The following PLCL1 variants were observed in gnomAD, a reference collection of about 807,000 sequenced individuals.
The protein encoded by PLCL1 is phospholipase C like 1 (inactive).
In PLCL1, 41 loss-of-function variants were observed where a neutral mutation model predicts 84.4. The ratio of observed to expected loss-of-function variants is 0.49; its 90% CI spans 0.38 to 0.63. The LOEUF is 0.63. Ranked by LOEUF, PLCL1 falls within the 30% of genes least tolerant of loss-of-function variation. The pLI, the probability that PLCL1 is intolerant of heterozygous loss-of-function variation, is 0.00. For missense variants in PLCL1, 1,206 were observed against 1,367.8 expected (o/e 0.88, Z 1.87); for synonymous variants, 490 against 488.3 (o/e 1.00, Z -0.05).
intron 1 of PLCL1, among the ~76,000 whole-genome samples, chr2:198,041,645 T>C (rs1691666686): frequency 6.6e-6 from 1 of 152,200 alleles, no homozygotes; most frequent in African/African-American, 2.4e-5. Context: ...GTAGTACTCA[T>C]GATAGGAATC....
intron 1 of PLCL1, among the ~76,000 whole-genome samples, chr2:197,933,755 A>G: frequency 6.6e-6 from 1 of 152,068 alleles, no homozygotes; most frequent in East Asian, 1.9e-4. Context: ...TACAGTACAG[A>G]GCTCTTTCTT....
intron 1 of PLCL1, among the ~76,000 whole-genome samples, chr2:198,076,039 C>T (rs896415234): frequency 1.5e-4 from 23 of 152,200 alleles, no homozygotes; most frequent in African/African-American, 5.5e-4. Context: ...GAGATAATCA[C>T]TTTTATTTAG....
At chr2:197,973,052 A>G (rs1689902902) in intron 1 of PLCL1, among the ~76,000 whole-genome samples, 1 of 152,188 alleles carries the variant, frequency 6.6e-6, no homozygotes, top group Non-Finnish European at 1.5e-5. Context: ...CCTTGTCCTC[A>G]AGTCTTCTTG....
intron 1 of PLCL1, among the ~76,000 whole-genome samples, chr2:197,925,084 G>A (rs1688808171): frequency 6.6e-6 from 1 of 152,082 alleles, no homozygotes; most frequent in African/African-American, 2.4e-5. Flanking sequence ...GGGCTTTTGT[G>A]GACACTGTTG....
At chr2:197,961,264 AGAG>A (rs1689616645) in intron 1 of PLCL1, among the ~76,000 whole-genome samples, 1 of 139,632 alleles carries the variant, frequency 7.2e-6, no homozygotes, top group African/African-American at 2.7e-5. Flanking sequence ...AGAGAGAGAG[AGAG>A]CGAGCATGCA....
chr2:198,126,574 G>A (rs1031027240), intron 5 of PLCL1, among the ~76,000 whole-genome samples: 1 of 152,040 alleles, frequency 6.6e-6, no homozygotes, highest in Admixed American at 6.6e-5. Context: ...CCAAATCTAG[G>A]TGCTCACATT....
At chr2:197,927,316 T>C (rs1342533715) in intron 1 of PLCL1, among the ~76,000 whole-genome samples, 1 of 152,198 alleles carries the variant, frequency 6.6e-6, no homozygotes, top group African/African-American at 2.4e-5. Context: ...TCATTTAATG[T>C]TATTTAATTC....
At chr2:197,816,969 T>C (rs140656998) in intron 1 of PLCL1, among the ~76,000 whole-genome samples, 13 of 152,296 alleles carry the variant, frequency 8.5e-5, no homozygotes, top group Middle Eastern at 3.4e-3. Flanking sequence ...GTGGATGCTT[T>C]ATTGTGTTAA....
At chr2:198,040,527 C>G (rs1167768753) in intron 1 of PLCL1, among the ~76,000 whole-genome samples, 4 of 152,088 alleles carry the variant, frequency 2.6e-5, no homozygotes, top group Non-Finnish European at 5.9e-5. Flanking sequence ...TGCAGTGGGT[C>G]CAAACTGCTT....
At chr2:197,927,561 G>A (rs568730054) in intron 1 of PLCL1, among the ~76,000 whole-genome samples, 2 of 152,314 alleles carry the variant, frequency 1.3e-5, no homozygotes, top group South Asian at 2.1e-4. Flanking sequence ...AACAAAATTA[G>A]TGTTTTCAAG....
Position 198,086,160 on chromosome 2 carries a change from A to G in PLCL1, c.2643A>G (p.Lys881=). The part of the protein sequence containing the change: ...EYTMLRNIGL[K]TIDDIFKIAV... ...CCATGCTCAGGAATATCGGTCTTAAAACCATTGATGACATCTTTAAAATAG... is the reference window on the plus strand; with the variant it reads ...CCATGCTCAGGAATATCGGTCTTAAGACCATTGATGACATCTTTAAAATAG... The change falls in exon 2 of 6, where the codon AAA becomes AAG. Residue 881 remains lysine (K), a synonymous_variant. Coordinates refer to ENST00000428675, the MANE Select transcript of PLCL1 (RefSeq NM_006226.4). 1 of 1,613,970 alleles carries G rather than the reference A, an allele frequency of 6.2e-7. No individual in the cohort carries two copies. The highest frequency in any genetic ancestry group is 8.5e-7 in the Non-Finnish European group (1 of 1,179,874).
At chr2:197,965,461 A>G (rs1689707905) in intron 1 of PLCL1, among the ~76,000 whole-genome samples, 1 of 151,634 alleles carries the variant, frequency 6.6e-6, no homozygotes, top group Non-Finnish European at 1.5e-5. Flanking sequence ...TTTTTTCTTA[A>G]TCTGGCTAAA....
rs116292696 is a variant in PLCL1, at chr2:197,991,526, C to T, written c.241-92232C>T. The stretch of plus-strand genomic sequence containing the variant: ...TATAAAGCAACTTTATTTTTGTCAC[C>T]CACTTTTGTTCTTTTAAATTTATTC... On this transcript the variant is annotated intron_variant, in intron 1 of 5. Coordinates refer to ENST00000428675, the MANE Select transcript of PLCL1 (RefSeq NM_006226.4). Among the ~76,000 whole-genome samples, 565 of 152,130 alleles carry T rather than the reference C, an allele frequency of 3.7e-3. 5 individuals carry two copies. Among genetic ancestry groups the T allele is most frequent in the African/African-American group, 0.013 (540 of 41,478 alleles).
intron 1 of PLCL1, among the ~76,000 whole-genome samples, chr2:197,891,865 G>C (rs1688036113): frequency 6.6e-6 from 1 of 152,166 alleles, no homozygotes; most frequent in Non-Finnish European, 1.5e-5. Context: ...TAGGATCTGA[G>C]ATTCTGCCTT....
intron 1 of PLCL1, among the ~76,000 whole-genome samples, chr2:197,921,029 G>A (rs1344442447): frequency 6.6e-6 from 1 of 152,194 alleles, no homozygotes; most frequent in African/African-American, 2.4e-5. Context: ...GACAGACTTA[G>A]ACGGTGTAGC....
At chr2:197,828,798 G>C (rs1208767186) in intron 1 of PLCL1, among the ~76,000 whole-genome samples, 2 of 152,104 alleles carry the variant, frequency 1.3e-5, no homozygotes, top group African/African-American at 4.8e-5. Flanking sequence ...ATCAAGAACA[G>C]ATTGAAACAG....
At chr2:198,089,445 A>G (rs771484716) in intron 3 of PLCL1, among the ~76,000 whole-genome samples, 4 of 152,216 alleles carry the variant, frequency 2.6e-5, no homozygotes, top group Non-Finnish European at 2.9e-5. Flanking sequence ...AAATTTATAT[A>G]GAATCTATAT....
chr2:198,059,004 T>C (rs904444573), intron 1 of PLCL1, among the ~76,000 whole-genome samples: 2 of 152,226 alleles, frequency 1.3e-5, no homozygotes, highest in African/African-American at 2.4e-5. Context: ...TGATATATAC[T>C]GTTTCATTGC....
At chr2:197,926,607 A>G (rs1688835796) in intron 1 of PLCL1, among the ~76,000 whole-genome samples, 2 of 152,144 alleles carry the variant, frequency 1.3e-5, no homozygotes. Context: ...CCACTATCAC[A>G]TGGCACAAAC....
Sources: gnomAD v4.1 joint callset for allele counts (sites outside exome capture counted in the v4.1 genomes callset) on GRCh38, gnomAD v4.1.1 for gene constraint, MANE v1.5 for transcripts, NCBI Gene and HGNC (gene_info 2026-07-23, HGNC 2026-07-21) for gene names.